Variants in PRDM10 observed in about 807,000 individuals in gnomAD.
PRDM10 encodes PR domain zinc finger protein 10.
A neutral mutation model predicts 133.1 loss-of-function variants in PRDM10; 65 were observed. The ratio of observed to expected loss-of-function variants is 0.49; its 90% CI spans 0.40 to 0.60. The LOEUF (loss-of-function observed/expected upper bound fraction) is 0.60, where lower values mean the gene tolerates loss of function less well. Among genes scored for constraint, PRDM10 ranks in the 20% least tolerant of loss-of-function variants. PRDM10 has a pLI of 0.00. For missense variants in PRDM10, 1,137 were observed against 1,507.1 expected (o/e 0.75, Z 4.07); for synonymous variants, 582 against 580.4 (o/e 1.00, Z -0.04).
At chr11:129,937,041 T>C (rs1241246143) in intron 8 of PRDM10, among the ~76,000 whole-genome samples, 1 of 152,230 alleles carries the variant, frequency 6.6e-6, no homozygotes, top group African/African-American at 2.4e-5. Context: ...ATAATTCTAT[T>C]ATGCACAATT....
Position 129,923,476 on chromosome 11 carries a change from C to A in PRDM10, c.1879-73G>T. The A allele has an allele frequency of 6.8e-7, 1 of 1,477,880 alleles. No individual in the cohort carries two copies. 91.5% of individuals were successfully genotyped at this position (1,477,880 alleles called of 1,614,324 possible). On this transcript the variant is annotated intron_variant, in intron 12 of 20. Transcript: ENST00000360871. The surrounding 1 kb of genome is among the most constrained non-coding windows in gnomAD (Gnocchi z 4.4). Reference sequence around the variant, plus strand: ...GAAATGACCAAAGGCAGCTTGTCAACGCTAGAGGGAGCCAAACGCATTACC... The same window carrying A: ...GAAATGACCAAAGGCAGCTTGTCAAAGCTAGAGGGAGCCAAACGCATTACC...
intron 8 of PRDM10, among the ~76,000 whole-genome samples, chr11:129,937,250 T>G (rs183512517): frequency 1.8e-4 from 27 of 152,332 alleles, no homozygotes; most frequent in Non-Finnish European, 3.4e-4. Flanking sequence ...GCTTTCTGTA[T>G]GTAGATTATA....
At chr11:129,999,804 G>A (rs2136014650) in intron 1 of PRDM10, among the ~76,000 whole-genome samples, 1 of 152,168 alleles carries the variant, frequency 6.6e-6, no homozygotes, top group Admixed American at 6.5e-5. Context: ...AATTCTTTTA[G>A]TTCGGCGGAC....
intron 17 of PRDM10, 165 bp downstream of exon 17, chr11:129,914,539 A>G: frequency 1.1e-6 from 1 of 932,690 alleles, no homozygotes; most frequent in Non-Finnish European, 1.7e-6. Context: ...TGCTAAGGCC[A>G]GAGGCCTCAT....
chr11:129,915,559 A>C, intron 16 of PRDM10, 101 bp downstream of exon 16: 1 of 1,299,460 alleles, frequency 7.7e-7, no homozygotes. Context: ...CCGTCAACTC[A>C]GAAGGAGCCA....
intron 13 of PRDM10, among the ~76,000 whole-genome samples, chr11:129,922,501 T>G (rs556033889): frequency 1.4e-4 from 21 of 152,330 alleles, no homozygotes; most frequent in African/African-American, 5.1e-4. Context: ...TCTATTTCTC[T>G]TTAATTTCTT....
At chr11:129,948,357 C>T (rs1204593291) in intron 4 of PRDM10, among the ~76,000 whole-genome samples, 3 of 152,154 alleles carry the variant, frequency 2.0e-5, no homozygotes, top group Non-Finnish European at 4.4e-5. Flanking sequence ...CCTTTATCTT[C>T]TCATATGTTG....
At chr11:129,969,179 CT>C (rs1478782971) in intron 1 of PRDM10, among the ~76,000 whole-genome samples, 1 of 152,218 alleles carries the variant, frequency 6.6e-6, no homozygotes, top group Non-Finnish European at 1.5e-5. Context: ...AATATTTCAC[CT>C]TTCTTTCAAC....
chr11:129,973,802 G>A (rs975415041), intron 1 of PRDM10, among the ~76,000 whole-genome samples: 5 of 152,108 alleles, frequency 3.3e-5, no homozygotes, highest in South Asian at 2.1e-4. Flanking sequence ...ATAAAACATC[G>A]ATGAAGACTC....
intron 1 of PRDM10, among the ~76,000 whole-genome samples, chr11:130,001,909 G>A (rs1203699940): frequency 6.6e-6 from 1 of 151,314 alleles, no homozygotes; most frequent in African/African-American, 2.4e-5. Context: ...GCCCCGACGC[G>A]GTGCCACGGG....
At chr11:129,974,444 TG>T (rs1937643463) in intron 1 of PRDM10, among the ~76,000 whole-genome samples, 1 of 149,198 alleles carries the variant, frequency 6.7e-6, no homozygotes, top group African/African-American at 2.5e-5. Flanking sequence ...GGAGTGGGAG[TG>T]GGGAAGAGTC....
chr11:129,942,667 A>C, intron 6 of PRDM10, 38 bp from the exon 7 acceptor site: 1 of 1,520,066 alleles, frequency 6.6e-7, no homozygotes, highest in Non-Finnish European at 9.0e-7. Flanking sequence ...ACAAAACAAA[A>C]CCTTCAATAT....
intron 1 of PRDM10, among the ~76,000 whole-genome samples, chr11:129,976,148 GCTC>G (rs1487790248): frequency 6.6e-6 from 1 of 152,204 alleles, no homozygotes; most frequent in Non-Finnish European, 1.5e-5. Flanking sequence ...TATTCCAGCT[GCTC>G]CTCTTCTTCC....
In PRDM10 at chr11:129,973,904, G is replaced by C. The variant is rs539166729; in HGVS notation, c.-118-12822C>G. On this transcript the variant is annotated intron_variant, in intron 1 of 20. Coordinates refer to ENST00000360871, the MANE Select transcript of PRDM10 (RefSeq NM_199437.2). ...GCTAGGTAGGACAAGAACTATGTTT[G>C]ATTTGACTTTGAACTACAACATTCC... Among the ~76,000 whole-genome samples, 4 of 152,334 alleles carry C rather than the reference G, an allele frequency of 2.6e-5. No individual in the cohort carries two copies. The East Asian group carries it at 7.7e-4, about 29-fold the overall frequency.
rs191574934 is a variant in PRDM10 at position 129,993,487 on chromosome 11, C to T, written c.-119+9235G>A. ...ATTAGCCTACCCAGTGCCAATATTA[C>T]ACTATCTTTTTTTTTGAGATGGAAT... On this transcript the variant is annotated intron_variant, in intron 1 of 20. Coordinates refer to ENST00000360871, the MANE Select transcript of PRDM10 (RefSeq NM_199437.2). 1.8e-3 allele frequency among the ~76,000 whole-genome samples: 272 copies of T among 152,090 alleles called. 2 individuals carry two copies. The highest frequency in any genetic ancestry group is 6.4e-3 in the African/African-American group (266 of 41,514).
At chr11:129,964,228 A>G (rs776036629) in intron 1 of PRDM10, among the ~76,000 whole-genome samples, 2 of 152,162 alleles carry the variant, frequency 1.3e-5, no homozygotes, top group African/African-American at 4.8e-5. Flanking sequence ...GGTACAGCCC[A>G]TGCCCTCACA....
At position 129,910,152 on chromosome 11, in the gene PRDM10, G is replaced by T. The variant is rs149124597; in HGVS notation, c.3163+324C>A. Among the ~76,000 whole-genome samples the T allele has an allele frequency of 2.6e-3, 397 of 152,280 alleles. 1 individual carries two copies. Among genetic ancestry groups the T allele is most frequent in the African/African-American group, 8.5e-3 (353 of 41,560 alleles). ...TGGCATAGCCAGTGTCTAGTACAGC[G>T]ATTGATAGACAGGCATTCTACAAAT... On this transcript the variant is annotated intron_variant, in intron 19 of 20. Coordinates refer to ENST00000360871, the MANE Select transcript of PRDM10 (RefSeq NM_199437.2).
intron 1 of PRDM10, among the ~76,000 whole-genome samples, chr11:129,984,385 G>A (rs777362013): frequency 4.6e-5 from 7 of 152,216 alleles, no homozygotes; most frequent in African/African-American, 1.4e-4. Flanking sequence ...CCTTGAGCCC[G>A]CGTTCCTGCT....
Position 129,910,064 on chromosome 11 carries a change from TA to T in PRDM10, c.3163+411del, listed in dbSNP as rs564496536. Among the ~76,000 whole-genome samples, 471 of 152,352 alleles carry T rather than the reference TA, an allele frequency of 3.1e-3. 2 individuals are homozygous for T. The highest frequency in any genetic ancestry group is 0.011 in the African/African-American group (444 of 41,574). ...CATTCCTGGCAATGTAGTAAGAGCT[TA>T]ATGAAAGCTGGTTAACATTATTATT... On this transcript the variant is annotated intron_variant, in intron 19 of 20. Coordinates refer to ENST00000360871, the MANE Select transcript of PRDM10 (RefSeq NM_199437.2).
Sources: gnomAD v4.1 joint callset for allele counts (sites outside exome capture counted in the v4.1 genomes callset) on GRCh38, gnomAD v4.1.1 for gene constraint, Gnocchi (gnomAD v3.1) non-coding constraint, MANE v1.5 for transcripts, NCBI Gene and HGNC (gene_info 2026-07-23, HGNC 2026-07-21) for gene names.